Variants in CPB2 observed in about 807,000 individuals in gnomAD.
The protein encoded by CPB2 is carboxypeptidase B-like protein.
CPB2 carries 54 observed loss-of-function variants against 57.0 expected under a neutral mutation model. That is an observed-to-expected ratio of 0.95 (90% CI 0.76 to 1.19). CPB2 has a LOEUF of 1.19. Among genes scored for constraint, CPB2 ranks in the 50% most tolerant of loss-of-function variants. The pLI is 0.00. For missense variants in CPB2, 426 were observed against 512.0 expected (o/e 0.83, Z 1.62); for synonymous variants, 189 against 178.1 (o/e 1.06, Z -0.49).
At chr13:46,066,114 T>C (rs1309306834) in intron 7 of CPB2, among the ~76,000 whole-genome samples, 3 of 148,950 alleles carry the variant, frequency 2.0e-5, no homozygotes, top group African/African-American at 7.5e-5. Context: ...AATTACCTCC[T>C]ACATGAAATA....
At chr13:46,078,954 C>T (rs998615101) in intron 4 of CPB2, 53 bp from the exon 5 acceptor site, 1 of 1,154,250 alleles carries the variant, frequency 8.7e-7, no homozygotes, top group African/African-American at 1.5e-5. Context: ...AAAGCATTTC[C>T]CTGACCAAAG....
At chr13:46,081,461 A>T (rs2045116553) in intron 4 of CPB2, among the ~76,000 whole-genome samples, 1 of 152,028 alleles carries the variant, frequency 6.6e-6, no homozygotes, top group African/African-American at 2.4e-5. Context: ...TCTAAGTTGG[A>T]TAGATGTAGG....
chr13:46,082,642 A>C, intron 3 of CPB2, 93 bp from the exon 4 acceptor site: 1 of 696,500 alleles, frequency 1.4e-6, no homozygotes, highest in Admixed American at 2.4e-5. Context: ...AGCATGAAGA[A>C]AAAAAATCAC....
chr13:46,067,198 TTAA>T, intron 7 of CPB2, 106 bp downstream of exon 7: 1 of 519,268 alleles, frequency 1.9e-6, no homozygotes, highest in Non-Finnish European at 3.4e-6. Context: ...TTAAAAAAAA[TTAA>T]TAATAAAGCC....
chr13:46,092,311 G>A (rs1396086046), intron 1 of CPB2, among the ~76,000 whole-genome samples: 1 of 152,078 alleles, frequency 6.6e-6, no homozygotes, highest in Admixed American at 6.6e-5. Context: ...CAGAAAAAGA[G>A]CTTTAGTGGG....
intron 8 of CPB2, among the ~76,000 whole-genome samples, chr13:46,063,859 A>G (rs960319636): frequency 1.3e-5 from 2 of 151,558 alleles, no homozygotes; most frequent in African/African-American, 4.8e-5. Flanking sequence ...ACTATTTTTA[A>G]TATTTTTATA....
rs1487597434 is a variant in CPB2, at chr13:46,053,650, G to C, written c.1236C>G (p.Val412=). Reference sequence around the variant, plus strand: ...TAATGACATGCCAAGCTATTTTAGAGACAGCGGCAAAAGCTTCTCTACAGG... The same window carrying C: ...TAATGACATGCCAAGCTATTTTAGACACAGCGGCAAAAGCTTCTCTACAGG... ...KPTCREAFAA[V]SKIAWHVIRN... is the part of the protein sequence containing the mutation. The change falls in exon 11 of 11, where the codon GTC becomes GTG. Residue 412 remains valine (V), a synonymous_variant. Transcript: ENST00000181383. 16 of 1,614,042 alleles carry C rather than the reference G, an allele frequency of 9.9e-6. No homozygotes were observed. The highest frequency in any genetic ancestry group is 1.4e-5 in the Non-Finnish European group (16 of 1,180,012).
intron 1 of CPB2, among the ~76,000 whole-genome samples, chr13:46,092,506 A>G (rs751874929): frequency 3.9e-5 from 6 of 152,236 alleles, no homozygotes; most frequent in Non-Finnish European, 8.8e-5. Context: ...TTCCAAATAA[A>G]TCATCTTATT....
At chr13:46,056,336 G>A (rs1240359451) in intron 9 of CPB2, among the ~76,000 whole-genome samples, 1 of 152,022 alleles carries the variant, frequency 6.6e-6, no homozygotes, top group Non-Finnish European at 1.5e-5. Context: ...GACTTCCATA[G>A]ATTCATCAAA....
chr13:46,101,690 C>A (rs1162186611), intron 1 of CPB2, among the ~76,000 whole-genome samples: 1 of 149,358 alleles, frequency 6.7e-6, no homozygotes, highest in Non-Finnish European at 1.5e-5. Flanking sequence ...GAAGTACAAG[C>A]ACAGTGAAGT....
At position 46,053,638 on chromosome 13, in the gene CPB2, A is replaced by G; in HGVS notation, c.1248T>C (p.Ala416=). ...ATTAAACATTCCTAATGACATGCCA[A>G]GCTATTTTAGAGACAGCGGCAAAAG... ...REAFAAVSKI[A]WHVIRNV The change falls in exon 11 of 11, where the codon GCT becomes GCC. Residue 416 remains alanine, a synonymous_variant. Coordinates refer to ENST00000181383, the MANE Select transcript of CPB2 (RefSeq NM_001872.5). 1 of 1,614,126 alleles carries G rather than the reference A, an allele frequency of 6.2e-7. No homozygotes were observed. The highest frequency in any genetic ancestry group is 2.2e-5 in the East Asian group (1 of 44,878).
At chr13:46,088,504 C>T (rs1029497290) in intron 1 of CPB2, among the ~76,000 whole-genome samples, 5 of 152,292 alleles carry the variant, frequency 3.3e-5, no homozygotes, top group Non-Finnish European at 7.4e-5. Flanking sequence ...ATAGTTCACA[C>T]GTGAAAGCAT....
At chr13:46,060,988 A>G (rs574774318) in intron 8 of CPB2, among the ~76,000 whole-genome samples, 6 of 152,266 alleles carry the variant, frequency 3.9e-5, no homozygotes, top group South Asian at 4.1e-4. Flanking sequence ...AGGCAAATTC[A>G]TAGAGACAGA....
At chr13:46,094,919 C>A (rs1041409385) in intron 1 of CPB2, 6 of 152,134 alleles carry the variant, frequency 3.9e-5, no homozygotes, top group Admixed American at 1.3e-4. Flanking sequence ...CAAGGAAAGA[C>A]CCTGCAACTG....
chr13:46,090,792 C>T (rs545004909), intron 1 of CPB2, among the ~76,000 whole-genome samples: 5 of 150,994 alleles, frequency 3.3e-5, no homozygotes, highest in African/African-American at 4.9e-5. Flanking sequence ...GGCGCCATCT[C>T]GGCTCACTGC....
intron 1 of CPB2, chr13:46,098,445 T>C (rs2045394005): frequency 6.6e-6 from 1 of 152,198 alleles, no homozygotes; most frequent in Non-Finnish European, 1.5e-5. Context: ...CAAAGCTTAT[T>C]TTATGAAGAA....
At chr13:46,064,764 G>A in intron 7 of CPB2, 23 bp from the exon 8 acceptor site, 1 of 1,598,108 alleles carries the variant, frequency 6.3e-7, no homozygotes, top group Non-Finnish European at 8.6e-7. Context: ...AATACAAACA[G>A]ACAACCTGGG....
chr13:46,075,388 G>A (rs904577863), intron 5 of CPB2, among the ~76,000 whole-genome samples: 2 of 152,188 alleles, frequency 1.3e-5, no homozygotes, highest in Non-Finnish European at 2.9e-5. Context: ...CGAAAAGTTG[G>A]CAAAATCCCA....
chr13:46,096,975 A>AC (rs1278204625), intron 1 of CPB2: 2 of 152,096 alleles, frequency 1.3e-5, no homozygotes, highest in Admixed American at 1.3e-4. Flanking sequence ...TGACTGGAAA[A>AC]CCCCTCAAGA....
Sources: allele counts gnomAD v4.1 joint callset (sites outside exome capture counted in the v4.1 genomes callset), GRCh38; gene constraint gnomAD v4.1.1; transcripts MANE v1.5; gene names NCBI Gene and HGNC (gene_info 2026-07-23, HGNC 2026-07-21).